Variants in ANKS1B observed in about 807,000 individuals in gnomAD.
ANKS1B encodes the protein ankyrin repeat and sterile alpha motif domain containing 1B, also known as ankyrin repeat and sterile alpha motif domain-containing protein 1B.
Under a neutral mutation model 148.3 loss-of-function variants are expected in ANKS1B, and 36 were observed. The observed-to-expected ratio is 0.24, with a 90% confidence interval of 0.19 to 0.32. The LOEUF is 0.32. Ranked by LOEUF, ANKS1B falls within the 10% of genes least tolerant of loss-of-function variation. The pLI, the probability that ANKS1B is intolerant of heterozygous loss-of-function variation, is 1.00. For missense variants in ANKS1B, 1,157 were observed against 1,542.6 expected, an observed-to-expected ratio of 0.75 and a Z score of 4.19; for synonymous variants, 542 against 560.8, an observed-to-expected ratio of 0.97 and a Z score of 0.47.
intron 17 of ANKS1B, among the ~76,000 whole-genome samples, chr12:99,016,668 A>G (rs2099942733): frequency 6.6e-6 from 1 of 152,182 alleles, no homozygotes; most frequent in Non-Finnish European, 1.5e-5. Flanking sequence ...TCAAACAAAC[A>G]AACAAACAAA....
At chr12:98,762,456 CA>C (rs1419023329) in intron 25 of ANKS1B, among the ~76,000 whole-genome samples, 8 of 152,222 alleles carry the variant, frequency 5.3e-5, no homozygotes, top group African/African-American at 1.9e-4. Flanking sequence ...AGCTAGAGCT[CA>C]GAGAGGCAGT....
intron 17 of ANKS1B, among the ~76,000 whole-genome samples, chr12:98,923,748 T>C (rs1428694867): frequency 6.6e-6 from 1 of 152,138 alleles, no homozygotes; most frequent in Non-Finnish European, 1.5e-5. Flanking sequence ...TGGGGAAAGG[T>C]AGGACTTTGT....
chr12:99,037,571 T>C (rs2099956319), intron 17 of ANKS1B, among the ~76,000 whole-genome samples: 1 of 152,134 alleles, frequency 6.6e-6, no homozygotes, highest in Non-Finnish European at 1.5e-5. Context: ...AAAGCATCTA[T>C]GGCACACAGG....
Position 98,836,282 on chromosome 12 carries a change from T to G in ANKS1B, c.2779-4146A>C, listed in dbSNP as rs150707601. Among the ~76,000 whole-genome samples, 5 of 152,276 alleles carry G rather than the reference T, an allele frequency of 3.3e-5. No homozygotes were observed. The East Asian group carries it at 9.7e-4, about 29-fold the overall frequency. On this transcript the variant is annotated intron_variant, in intron 17 of 26. Transcript: ENST00000683438. ...TCTGAAAACATTAAAATAATTCACT[T>G]TTTAGTAAGGCTTATAGCATTGTTA...
chr12:99,830,064 G>C (rs2083737038), intron 1 of ANKS1B, among the ~76,000 whole-genome samples: 1 of 152,050 alleles, frequency 6.6e-6, no homozygotes, highest in African/African-American at 2.4e-5. Context: ...CTAGAATGAA[G>C]AGAAATTATT....
chr12:99,096,490 T>C (rs1174330004), intron 15 of ANKS1B, among the ~76,000 whole-genome samples: 1 of 152,158 alleles, frequency 6.6e-6, no homozygotes, highest in Non-Finnish European at 1.5e-5. Context: ...AGATGATCGC[T>C]GTGGGCAGAC....
chr12:98,976,666 C>A (rs944714501), intron 17 of ANKS1B: 2 of 151,980 alleles, frequency 1.3e-5, no homozygotes, highest in African/African-American at 4.8e-5. Flanking sequence ...TCCAGATAAA[C>A]AATGTAAAAC....
chr12:99,431,540 G>A (rs928673027), intron 11 of ANKS1B, among the ~76,000 whole-genome samples: 11 of 152,162 alleles, frequency 7.2e-5, no homozygotes, highest in East Asian at 1.9e-4. Flanking sequence ...GGGTGGTAGC[G>A]AAAGAAGGCT....
At chr12:99,575,746 G>A (rs962029290) in intron 9 of ANKS1B, among the ~76,000 whole-genome samples, 2 of 152,026 alleles carry the variant, frequency 1.3e-5, no homozygotes, top group Non-Finnish European at 2.9e-5. Flanking sequence ...AGTTCAAGAT[G>A]AGATTTGGGT....
intron 9 of ANKS1B, chr12:98,735,685 T>G (rs2097769130): frequency 1.4e-6 from 1 of 718,320 alleles, no homozygotes; most frequent in Non-Finnish European, 2.6e-6. Flanking sequence ...TTCATGCATT[T>G]GTTTAATAAA....
At chr12:99,770,551 A>T (rs1337261466) in intron 8 of ANKS1B, among the ~76,000 whole-genome samples, 1 of 152,176 alleles carries the variant, frequency 6.6e-6, no homozygotes, top group Non-Finnish European at 1.5e-5. Context: ...GCTACAGAAA[A>T]GGGTCAAAGT....
intron 9 of ANKS1B, among the ~76,000 whole-genome samples, chr12:99,516,926 T>A (rs533026080): frequency 1.3e-5 from 2 of 152,282 alleles, no homozygotes; most frequent in African/African-American, 4.8e-5. Flanking sequence ...CTCTGTAGTA[T>A]AATTTGAATC....
chr12:99,002,493 T>TA (rs1039852676), intron 17 of ANKS1B, among the ~76,000 whole-genome samples: 1 of 151,956 alleles, frequency 6.6e-6, no homozygotes, highest in African/African-American at 2.4e-5. Context: ...TATCTCTCTT[T>TA]TTTTTTTTGT....
intron 8 of ANKS1B, among the ~76,000 whole-genome samples, chr12:99,735,505 A>T (rs1260725949): frequency 6.6e-6 from 1 of 152,156 alleles, no homozygotes; most frequent in Non-Finnish European, 1.5e-5. Context: ...CAAACTGGAA[A>T]ACCCAGAGGA....
At chr12:99,866,973 G>A (rs1737883326) in intron 1 of ANKS1B, among the ~76,000 whole-genome samples, 1 of 152,060 alleles carries the variant, frequency 6.6e-6, no homozygotes, top group South Asian at 2.1e-4. Flanking sequence ...TGTATGTCCG[G>A]TAATCCCTCT....
chr12:99,411,492 T>C (rs1218523477), intron 11 of ANKS1B, among the ~76,000 whole-genome samples: 40 of 152,214 alleles, frequency 2.6e-4, no homozygotes, highest in Admixed American at 2.6e-3. Flanking sequence ...TTCTCTATAG[T>C]GAATAGCACC....
At chr12:99,763,534 A>G (rs2062359459) in intron 8 of ANKS1B, among the ~76,000 whole-genome samples, 1 of 152,116 alleles carries the variant, frequency 6.6e-6, no homozygotes, top group South Asian at 2.1e-4. Flanking sequence ...GTAAGGATCA[A>G]AAAGCTACAT....
intron 14 of ANKS1B, among the ~76,000 whole-genome samples, chr12:99,186,268 CCTGGGACAGAGCA>C (rs1300885651): frequency 6.6e-6 from 1 of 152,298 alleles, no homozygotes; most frequent in Admixed American, 6.5e-5. Flanking sequence ...ACTTCATCTT[CCTGGGACAGAGCA>C]CCTGGAGGAA....
At chr12:98,754,498 A>G (rs533162245) in intron 25 of ANKS1B, among the ~76,000 whole-genome samples, 21 of 152,258 alleles carry the variant, frequency 1.4e-4, no homozygotes, top group African/African-American at 5.1e-4. Flanking sequence ...GCTGATTCCC[A>G]TCTGTTGGGG....
Sources: allele counts gnomAD v4.1 joint callset (sites outside exome capture counted in the v4.1 genomes callset), GRCh38; gene constraint gnomAD v4.1.1; transcripts MANE v1.5; gene names NCBI Gene and HGNC (gene_info 2026-07-23, HGNC 2026-07-21).